The following TEX36 variants were observed in gnomAD, a reference collection of about 807,000 sequenced individuals.
TEX36 encodes testis-expressed protein 36.
In TEX36, 12 loss-of-function variants were observed where a neutral mutation model predicts 13.6. The ratio of observed to expected loss-of-function variants is 0.88; its 90% CI spans 0.56 to 1.43. The LOEUF is 1.43. TEX36 is among the 40% of genes most tolerant of loss of function. The pLI, the probability that TEX36 is intolerant of heterozygous loss-of-function variation, is 0.00. For missense variants in TEX36, 224 were observed against 228.3 expected (o/e 0.98, Z 0.12); for synonymous variants, 93 against 83.0 (o/e 1.12, Z -0.65).
intron 3 of TEX36, among the ~76,000 whole-genome samples, chr10:125,584,657 CAG>C (rs369311102): frequency 3.9e-5 from 6 of 152,278 alleles, no homozygotes; most frequent in African/African-American, 9.6e-5. Flanking sequence ...TAAAAAGAGG[CAG>C]AGACACCAGA....
intron 3 of TEX36, among the ~76,000 whole-genome samples, chr10:125,603,978 C>T (rs1846181923): frequency 6.6e-6 from 1 of 152,170 alleles, no homozygotes; most frequent in African/African-American, 2.4e-5. Flanking sequence ...GGGGCCCATT[C>T]CGGTTCAGTC....
At chr10:125,660,804 CTAGGCAGAACACTGGTG>C (rs1325501837) in intron 3 of TEX36, among the ~76,000 whole-genome samples, 200 bp downstream of exon 3, 1 of 152,170 alleles carries the variant, frequency 6.6e-6, no homozygotes, top group Non-Finnish European at 1.5e-5. Context: ...GCACTTACAC[CTAGGCAGAACACTGGTG>C]TAGATCTTGA....
intron 1 of TEX36, among the ~76,000 whole-genome samples, chr10:125,675,403 C>A (rs192722291): frequency 4.6e-5 from 7 of 150,706 alleles, no homozygotes; most frequent in African/African-American, 2.4e-5. Context: ...TCTTAGGCAG[C>A]AGGCACCCAC....
At chr10:125,606,577 T>C (rs1287231306) in intron 3 of TEX36, among the ~76,000 whole-genome samples, 1 of 152,210 alleles carries the variant, frequency 6.6e-6, no homozygotes, top group Non-Finnish European at 1.5e-5. Context: ...TGCTGTGCTG[T>C]AGCTTATCAG....
intron 1 of TEX36, among the ~76,000 whole-genome samples, chr10:125,676,753 A>G (rs1375237489): frequency 6.6e-6 from 1 of 152,078 alleles, no homozygotes; most frequent in Non-Finnish European, 1.5e-5. Context: ...TAGTGGTACA[A>G]TTTGAATCCT....
At chr10:125,637,138 C>CA (rs1229659251) in intron 3 of TEX36, among the ~76,000 whole-genome samples, 1 of 151,674 alleles carries the variant, frequency 6.6e-6, no homozygotes, top group Non-Finnish European at 1.5e-5. Context: ...CCCATCTCTA[C>CA]AAAAAAATTA....
chr10:125,633,548 A>G (rs2133569076), intron 3 of TEX36, among the ~76,000 whole-genome samples: 1 of 152,350 alleles, frequency 6.6e-6, no homozygotes, highest in East Asian at 1.9e-4. Flanking sequence ...TCCTGCCCCA[A>G]CACAAAGGTT....
intron 3 of TEX36, among the ~76,000 whole-genome samples, chr10:125,603,472 T>A (rs900805468): frequency 1.3e-5 from 2 of 151,936 alleles, no homozygotes; most frequent in Non-Finnish European, 2.9e-5. Context: ...CACCCAGTGC[T>A]TCTCTTCTCT....
At chr10:125,680,006 A>G (rs1847370511) in intron 1 of TEX36, among the ~76,000 whole-genome samples, 1 of 152,228 alleles carries the variant, frequency 6.6e-6, no homozygotes, top group African/African-American at 2.4e-5. Context: ...ATCAGATTAT[A>G]TCATACATAC....
intron 1 of TEX36, among the ~76,000 whole-genome samples, chr10:125,663,724 G>T (rs1202796682): frequency 1.3e-5 from 2 of 151,690 alleles, no homozygotes; most frequent in South Asian, 2.1e-4. Context: ...AATTTTTTAT[G>T]TGTACATAGT....
At chr10:125,638,469 C>T (rs1217143147) in intron 3 of TEX36, among the ~76,000 whole-genome samples, 2 of 152,122 alleles carry the variant, frequency 1.3e-5, no homozygotes, top group Non-Finnish European at 2.9e-5. Flanking sequence ...GAAATGGATT[C>T]CCCCTGGACC....
intron 3 of TEX36, among the ~76,000 whole-genome samples, chr10:125,591,484 C>T (rs1002596222): frequency 6.6e-6 from 1 of 152,192 alleles, no homozygotes; most frequent in African/African-American, 2.4e-5. Flanking sequence ...AAGCCAACAG[C>T]TGGCAGGATC....
chr10:125,625,797 G>T (rs1297386126), intron 3 of TEX36, among the ~76,000 whole-genome samples: 1 of 152,202 alleles, frequency 6.6e-6, no homozygotes, highest in African/African-American at 2.4e-5. Context: ...AGCCACTTTC[G>T]TGGCAAATAC....
downstream of TEX36, among the ~76,000 whole-genome samples, chr10:125,652,770 G>C (rs1480168250): frequency 3.3e-5 from 5 of 152,144 alleles, no homozygotes; most frequent in African/African-American, 9.7e-5. Flanking sequence ...ATTCTACAAA[G>C]AGCTTAAACA....
chr10:125,654,580 A>G (rs1227549693), downstream of TEX36, among the ~76,000 whole-genome samples: 2 of 152,208 alleles, frequency 1.3e-5, no homozygotes, highest in Non-Finnish European at 2.9e-5. Flanking sequence ...AAATTCATGT[A>G]CAGAAAAAAA....
intron 1 of TEX36, among the ~76,000 whole-genome samples, chr10:125,665,560 T>C (rs1315728499): frequency 3.3e-5 from 5 of 152,312 alleles, no homozygotes; most frequent in Admixed American, 2.0e-4. Context: ...TTCTGGGTTC[T>C]CTATTCTGTT....
chr10:125,678,740 C>T (rs1847348319), intron 1 of TEX36, among the ~76,000 whole-genome samples: 1 of 151,940 alleles, frequency 6.6e-6, no homozygotes. Flanking sequence ...TGGTAGTGGC[C>T]AGGAGTTTAG....
At chr10:125,630,762 G>A (rs1846543405) in intron 3 of TEX36, among the ~76,000 whole-genome samples, 1 of 152,180 alleles carries the variant, frequency 6.6e-6, no homozygotes, top group South Asian at 2.1e-4. Flanking sequence ...GTGGAGGGTT[G>A]ACGTCCCCTC....
At chr10:125,661,172 G>A in intron 2 of TEX36, 71 bp from the exon 3 acceptor site, 1 of 1,268,128 alleles carries the variant, frequency 7.9e-7, no homozygotes, top group African/African-American at 1.5e-5. Flanking sequence ...GGGATCGGGT[G>A]ATGTGGAAGG....
Sources: gnomAD v4.1 joint callset for allele counts (sites outside exome capture counted in the v4.1 genomes callset) on GRCh38, gnomAD v4.1.1 for gene constraint, MANE v1.5 for transcripts, NCBI Gene and HGNC (gene_info 2026-07-23, HGNC 2026-07-21) for gene names.